The following CSMD1 variants were observed in gnomAD, a reference collection of about 807,000 sequenced individuals.
The protein encoded by CSMD1 is CUB and Sushi multiple domains 1, also known as CUB and sushi domain-containing protein 1.
A neutral mutation model predicts 417.5 loss-of-function variants in CSMD1; 213 were observed. That is an observed-to-expected ratio of 0.51 (90% CI 0.46 to 0.57). The LOEUF (loss-of-function observed/expected upper bound fraction) is 0.57, where lower values mean the gene tolerates loss of function less well. Ranked by LOEUF, CSMD1 falls within the 20% of genes least tolerant of loss-of-function variation. CSMD1 has a pLI of 0.00. For missense variants in CSMD1, 6,923 were observed against 4,529.7 expected (o/e 1.53, Z -15.17); for synonymous variants, 2,862 against 1,736.8 (o/e 1.65, Z -16.11).
At chr8:3,375,758 C>G (rs74489571) in intron 18 of CSMD1, among the ~76,000 whole-genome samples, 2,454 of 152,208 alleles carry the variant, frequency 0.016, 68 homozygotes, top group African/African-American at 0.055. Context: ...AGTGTGATCG[C>G]TGGACACTGC....
intron 2 of CSMD1, among the ~76,000 whole-genome samples, chr8:4,571,253 T>C (rs1318322450): frequency 6.6e-6 from 1 of 152,212 alleles, no homozygotes; most frequent in Non-Finnish European, 1.5e-5. Context: ...ATTTTGGATC[T>C]TTCCTGCTTT....
chr8:3,932,744 G>A (rs1254605018), intron 5 of CSMD1, among the ~76,000 whole-genome samples: 2 of 150,318 alleles, frequency 1.3e-5, no homozygotes, highest in Admixed American at 6.6e-5. Context: ...ATAGTGTAAT[G>A]GGATAAACCA....
chr8:3,744,715 G>A (rs1796982173), intron 6 of CSMD1, among the ~76,000 whole-genome samples: 1 of 152,312 alleles, frequency 6.6e-6, no homozygotes. Flanking sequence ...TCTGGGCTAT[G>A]AAATGAAGAG....
chr8:3,613,660 T>C (rs1393272915), intron 8 of CSMD1, among the ~76,000 whole-genome samples: 3 of 151,132 alleles, frequency 2.0e-5, no homozygotes, highest in African/African-American at 2.4e-5. Context: ...TGTCAATAGA[T>C]GTAGAAACTT....
At chr8:4,703,288 T>C (rs1807703816) in intron 1 of CSMD1, among the ~76,000 whole-genome samples, 1 of 152,176 alleles carries the variant, frequency 6.6e-6, no homozygotes, top group Admixed American at 6.5e-5. Context: ...GTAGGGAGTG[T>C]AGATAATCAG....
intron 3 of CSMD1, among the ~76,000 whole-genome samples, chr8:4,313,355 A>G (rs983196644): frequency 9.5e-5 from 14 of 146,996 alleles, no homozygotes; most frequent in Admixed American, 3.4e-4. Context: ...GTAGCAGACC[A>G]TCATTGTCAC....
chr8:3,867,229 T>G (rs767699946), intron 5 of CSMD1, among the ~76,000 whole-genome samples: 1 of 152,140 alleles, frequency 6.6e-6, no homozygotes. Context: ...CATGAATAAA[T>G]TAGTAACTAG....
chr8:4,587,383 G>C (rs942197582), intron 2 of CSMD1, among the ~76,000 whole-genome samples: 2 of 149,492 alleles, frequency 1.3e-5, no homozygotes, highest in African/African-American at 5.0e-5. Flanking sequence ...ATATGTATAT[G>C]TACATACATG....
At chr8:4,207,410 A>G (rs899992134) in intron 3 of CSMD1, among the ~76,000 whole-genome samples, 24 of 152,192 alleles carry the variant, frequency 1.6e-4, no homozygotes, top group Non-Finnish European at 2.9e-4. Context: ...TAAGCAAATC[A>G]TATTTTGTCT....
chr8:3,095,706 C>A (rs1815249068), intron 47 of CSMD1, among the ~76,000 whole-genome samples: 1 of 152,104 alleles, frequency 6.6e-6, no homozygotes, highest in Non-Finnish European at 1.5e-5. Flanking sequence ...ACAAATCTTT[C>A]AAAATATGTG....
rs535104637 is a variant in CSMD1, at chr8:4,962,893, A to T, written c.85+31439T>A. Among the ~76,000 whole-genome samples, 3 of 152,336 alleles carry T rather than the reference A, an allele frequency of 2.0e-5. No individual in the cohort carries two copies. The East Asian group carries it at 5.8e-4, about 29-fold the overall frequency. ...CACTGCCACTTAATTCCTGTAAAAAATAAATCTATCTCCACTTTTCTGGTA... is the reference window on the plus strand; with the variant it reads ...CACTGCCACTTAATTCCTGTAAAAATTAAATCTATCTCCACTTTTCTGGTA... On this transcript the variant is annotated intron_variant, in intron 1 of 69. Transcript: ENST00000635120.
intron 3 of CSMD1, among the ~76,000 whole-genome samples, chr8:4,121,245 T>C (rs1991141): frequency 6.6e-6 from 1 of 152,040 alleles, no homozygotes. Context: ...CTCCCAGCTA[T>C]CTGGGATTAC....
intron 1 of CSMD1, among the ~76,000 whole-genome samples, chr8:4,889,849 T>G (rs1475688782): frequency 1.3e-5 from 2 of 152,112 alleles, no homozygotes. Flanking sequence ...TGGAGTTACT[T>G]TGTATTTATT....
intron 5 of CSMD1, among the ~76,000 whole-genome samples, chr8:3,801,524 A>G (rs899414886): frequency 6.6e-6 from 1 of 152,140 alleles, no homozygotes; most frequent in Non-Finnish European, 1.5e-5. Context: ...TGCTTGTCGG[A>G]AAGTAAAATG....
At chr8:3,509,100 G>C (rs1183114459) in intron 10 of CSMD1, among the ~76,000 whole-genome samples, 3 of 152,098 alleles carry the variant, frequency 2.0e-5, no homozygotes, top group Non-Finnish European at 2.9e-5. Flanking sequence ...CAAAATTAAT[G>C]CGTGCTCAGT....
intron 3 of CSMD1, among the ~76,000 whole-genome samples, chr8:4,148,687 G>T (rs1397357741): frequency 2.0e-5 from 3 of 152,058 alleles, no homozygotes; most frequent in South Asian, 2.1e-4. Context: ...GTCTCTTCTA[G>T]TAAGGGCACT....
intron 3 of CSMD1, among the ~76,000 whole-genome samples, chr8:4,062,290 T>A (rs1895889): frequency 0.61 from 93,200 of 151,790 alleles, 29,299 homozygotes; most frequent in South Asian, 0.72. Context: ...GTTGGCAGAA[T>A]AGAGCATGTC....
At chr8:3,724,546 T>A (rs1802379543) in intron 6 of CSMD1, among the ~76,000 whole-genome samples, 1 of 152,118 alleles carries the variant, frequency 6.6e-6, no homozygotes, top group Non-Finnish European at 1.5e-5. Context: ...GTCCTAAGGC[T>A]GAATGATCTG....
intron 6 of CSMD1, among the ~76,000 whole-genome samples, chr8:3,727,643 G>A (rs183363153): frequency 1.3e-5 from 2 of 152,138 alleles, no homozygotes; most frequent in African/African-American, 2.4e-5. Flanking sequence ...GGAAAGCTGG[G>A]ATTCAAGTAG....
Sources: gnomAD v4.1 joint callset for allele counts (sites outside exome capture counted in the v4.1 genomes callset) on GRCh38, gnomAD v4.1.1 for gene constraint, MANE v1.5 for transcripts, NCBI Gene and HGNC (gene_info 2026-07-23, HGNC 2026-07-21) for gene names.